The following AUTS2 variants were observed in gnomAD, a reference collection of about 807,000 sequenced individuals.
The protein encoded by AUTS2 is activator of transcription and developmental regulator AUTS2, also known as autism susceptibility gene 2 protein.
Under a neutral mutation model 112.4 loss-of-function variants are expected in AUTS2, and 17 were observed. The ratio of observed to expected loss-of-function variants is 0.15; its 90% CI spans 0.10 to 0.23. The LOEUF (loss-of-function observed/expected upper bound fraction) is 0.23. AUTS2 is among the 10% of genes least tolerant of loss of function. The pLI is 1.00. For synonymous variants in AUTS2, 751 were observed against 702.7 expected, an observed-to-expected ratio of 1.07 and a Z score of -1.09; for missense variants, 1,510 against 1,701.6, an observed-to-expected ratio of 0.89 and a Z score of 1.98.
At chr7:70,011,296 A>ACCTCT (rs1380577590) in intron 2 of AUTS2, among the ~76,000 whole-genome samples, 2 of 136,458 alleles carry the variant, frequency 1.5e-5, no homozygotes, top group Non-Finnish European at 3.2e-5. Flanking sequence ...CACTAGCCTC[A>ACCTCT]CCTCTCCTCT....
At chr7:70,019,442 C>A (rs574927471) in intron 2 of AUTS2, among the ~76,000 whole-genome samples, 4 of 152,274 alleles carry the variant, frequency 2.6e-5, no homozygotes, top group African/African-American at 9.6e-5. Context: ...AAACAAAAAA[C>A]CAAAATACTT....
chr7:70,790,851 C>T lies in AUTS2; in HGVS notation c.3635C>T (p.Pro1212Leu), dbSNP rs1039274139. 9.3e-6 allele frequency: 15 copies of T among 1,607,120 alleles called. No individual in the cohort carries two copies. Among genetic ancestry groups the T allele is most frequent in the Admixed American group, 1.7e-5 (1 of 59,514 alleles). ...CAGAACGGACTCCTCAACAAGACCCCTCCGACAGCAGCGCTGAGCGCACCT... is the reference window on the plus strand; with the variant it reads ...CAGAACGGACTCCTCAACAAGACCCTTCCGACAGCAGCGCTGAGCGCACCT... ...GNQNGLLNKT[P>L]PTAALSAPPP... is the part of the protein sequence containing the mutation. The change falls in exon 19 of 19, where the codon CCT (proline) becomes CTT (leucine). Residue 1212 changes from proline (P) to leucine (L), a missense_variant. Physicochemically the swap from Pro to Leu is moderately conservative, Grantham distance 98. Coordinates refer to ENST00000342771, the MANE Select transcript of AUTS2 (RefSeq NM_015570.4). The surrounding 1 kb of genome is among the most constrained non-coding windows in gnomAD (Gnocchi z 7.6).
intron 2 of AUTS2, among the ~76,000 whole-genome samples, chr7:70,022,220 A>G (rs934076706): frequency 4.0e-5 from 6 of 151,664 alleles, no homozygotes; most frequent in African/African-American, 1.2e-4. Flanking sequence ...CCCAAATCCA[A>G]TACTGGTGAG....
At chr7:70,645,900 G>C (rs1419334268) in intron 5 of AUTS2, among the ~76,000 whole-genome samples, 1 of 152,106 alleles carries the variant, frequency 6.6e-6, no homozygotes, top group African/African-American at 2.4e-5. Flanking sequence ...CATTTCTGCT[G>C]TGTGCCTCAG....
chr7:70,370,420 G>C (rs2129629992), intron 4 of AUTS2, among the ~76,000 whole-genome samples: 1 of 152,198 alleles, frequency 6.6e-6, no homozygotes, highest in East Asian at 1.9e-4. Context: ...CATACAAATG[G>C]AATCATACAA....
rs531371607 is a variant in AUTS2, at chr7:70,025,250, A to G, written c.523-92882A>G. On this transcript the variant is annotated intron_variant, in intron 2 of 18. Transcript: ENST00000342771. The stretch of plus-strand genomic sequence containing the variant: ...CAGAATTAATTTTATTTTATGGGTG[A>G]GGAAACTGAGGCTTAAAGAGCTGCT... Among the ~76,000 whole-genome samples, 8 of 152,202 alleles carry G rather than the reference A, an allele frequency of 5.3e-5. No individual in the cohort carries two copies. In the East Asian group the frequency reaches 1.2e-3, roughly 22 times the overall value.
At chr7:70,642,150 A>G (rs1805868005) in intron 5 of AUTS2, among the ~76,000 whole-genome samples, 2 of 152,226 alleles carry the variant, frequency 1.3e-5, no homozygotes, top group Non-Finnish European at 1.5e-5. Flanking sequence ...AAAGTATTAT[A>G]AGGAGTTGAC....
intron 2 of AUTS2, among the ~76,000 whole-genome samples, chr7:69,933,586 T>C (rs911138478): frequency 3.9e-5 from 6 of 152,216 alleles, no homozygotes; most frequent in African/African-American, 1.4e-4. Flanking sequence ...GTACTATAAA[T>C]TTTTTAGAAT....
intron 4 of AUTS2, among the ~76,000 whole-genome samples, chr7:70,370,202 G>A (rs1014448073): frequency 2.6e-5 from 4 of 152,020 alleles, no homozygotes; most frequent in South Asian, 2.1e-4. Context: ...CCCACTTAAG[G>A]TATACACTTC....
chr7:69,656,003 A>T (rs1451363467), intron 1 of AUTS2, among the ~76,000 whole-genome samples: 1 of 152,254 alleles, frequency 6.6e-6, no homozygotes, highest in African/African-American at 2.4e-5. Context: ...TCATATGCTC[A>T]TCGTTGTCAA....
At chr7:70,005,744 G>C (rs962598587) in intron 2 of AUTS2, among the ~76,000 whole-genome samples, 1 of 152,160 alleles carries the variant, frequency 6.6e-6, no homozygotes, top group African/African-American at 2.4e-5. Flanking sequence ...GGAAGTGGCT[G>C]ATGAAGCCTG....
intron 1 of AUTS2, among the ~76,000 whole-genome samples, chr7:69,892,093 A>G (rs1210665927): frequency 6.6e-6 from 1 of 151,168 alleles, no homozygotes; most frequent in Non-Finnish European, 1.5e-5. Flanking sequence ...ACCTGGCCCC[A>G]GATATCTTCT....
intron 2 of AUTS2, among the ~76,000 whole-genome samples, chr7:69,950,445 T>C (rs1439516279): frequency 1.3e-5 from 2 of 152,216 alleles, no homozygotes; most frequent in Non-Finnish European, 2.9e-5. Context: ...ATAGTTTTTT[T>C]ATTTTTAAAA....
At chr7:70,635,400 G>T (rs146615389) in intron 5 of AUTS2, among the ~76,000 whole-genome samples, 1 of 152,322 alleles carries the variant, frequency 6.6e-6, no homozygotes, top group South Asian at 2.1e-4. Context: ...CTGCCTTTTA[G>T]TGGAGATAGG....
intron 1 of AUTS2, among the ~76,000 whole-genome samples, chr7:69,814,500 C>T (rs941628641): frequency 3.3e-5 from 5 of 152,242 alleles, no homozygotes; most frequent in African/African-American, 1.2e-4. Flanking sequence ...ATGGGCTCCT[C>T]CCGCTGTACC....
intron 1 of AUTS2, among the ~76,000 whole-genome samples, chr7:69,753,734 G>A (rs1584191439): frequency 2.6e-5 from 4 of 152,178 alleles, no homozygotes; most frequent in Admixed American, 2.6e-4. Flanking sequence ...AAAGGCTCAG[G>A]AAATAACTTC....
chr7:70,674,119 G>T (rs1042869465), intron 5 of AUTS2, among the ~76,000 whole-genome samples: 3 of 152,152 alleles, frequency 2.0e-5, no homozygotes, highest in Admixed American at 2.0e-4. Context: ...CAGGCCCCTT[G>T]ACTGGGCAGC....
At chr7:70,517,099 A>T (rs1289127720) in intron 5 of AUTS2, among the ~76,000 whole-genome samples, 1 of 152,226 alleles carries the variant, frequency 6.6e-6, no homozygotes, top group Admixed American at 6.5e-5. Context: ...CCCAGGACTT[A>T]TGCAGCATAT....
At chr7:69,791,380 T>G (rs1008006886) in intron 1 of AUTS2, among the ~76,000 whole-genome samples, 2 of 152,162 alleles carry the variant, frequency 1.3e-5, no homozygotes, top group African/African-American at 4.8e-5. Flanking sequence ...ATAATGAAAT[T>G]GAAAAACATG....
Sources: allele counts gnomAD v4.1 joint callset (sites outside exome capture counted in the v4.1 genomes callset), GRCh38; gene constraint gnomAD v4.1.1; non-coding constraint Gnocchi (gnomAD v3.1); transcripts MANE v1.5; gene names NCBI Gene and HGNC (gene_info 2026-07-23, HGNC 2026-07-21).